DYM: variants seen among roughly 807,000 people sequenced by gnomAD.
The protein encoded by DYM is dymeclin.
In DYM, 78 loss-of-function variants were observed where a neutral mutation model predicts 93.1. That is an observed-to-expected ratio of 0.84 (90% confidence interval 0.70 to 1.01). The LOEUF is 1.01. DYM is among the 50% of genes least tolerant of loss of function. The pLI, the probability that DYM is intolerant of heterozygous loss-of-function variation, is 0.00. For missense variants in DYM, 789 were observed against 845.0 expected, an observed-to-expected ratio of 0.93 and a Z score of 0.82; for synonymous variants, 321 against 319.7, an observed-to-expected ratio of 1.00 and a Z score of -0.04.
At chr18:49,172,657 C>T (rs1403360645) in intron 14 of DYM, among the ~76,000 whole-genome samples, 1 of 152,018 alleles carries the variant, frequency 6.6e-6, no homozygotes, top group Non-Finnish European at 1.5e-5. Flanking sequence ...AGTTCTTTAT[C>T]AGGTATAAGT....
At chr18:49,088,296 G>T (rs972254596) in intron 17 of DYM, among the ~76,000 whole-genome samples, 4 of 152,062 alleles carry the variant, frequency 2.6e-5, no homozygotes, top group African/African-American at 9.7e-5. Flanking sequence ...TTTGTATAAG[G>T]TGTAAGGAAG....
chr18:49,263,182 G>T (rs1161841118), intron 11 of DYM, among the ~76,000 whole-genome samples: 1 of 151,476 alleles, frequency 6.6e-6, no homozygotes, highest in Non-Finnish European at 1.5e-5. Context: ...GCAATGGCAC[G>T]ATCTCGGCTC....
At chr18:49,265,236 C>T (rs891886780) in intron 11 of DYM, among the ~76,000 whole-genome samples, 17 of 152,136 alleles carry the variant, frequency 1.1e-4, no homozygotes, top group Admixed American at 1.1e-3. Context: ...GGAGAAAACC[C>T]GAGAGCAGGC....
intron 15 of DYM, among the ~76,000 whole-genome samples, chr18:49,155,350 T>C (rs1001294998): frequency 3.3e-5 from 5 of 152,202 alleles, no homozygotes; most frequent in African/African-American, 9.6e-5. Context: ...TTTCCCCCCG[T>C]GCTCAAAGCA....
At chr18:49,090,020 C>T (rs1462798190) in intron 17 of DYM, among the ~76,000 whole-genome samples, 1 of 152,032 alleles carries the variant, frequency 6.6e-6, no homozygotes, top group African/African-American at 2.4e-5. Flanking sequence ...TGTGTGTGCA[C>T]GTGTGCATGT....
intron 8 of DYM, among the ~76,000 whole-genome samples, chr18:49,297,612 T>C (rs1345800716): frequency 1.3e-5 from 2 of 152,222 alleles, no homozygotes; most frequent in African/African-American, 4.8e-5. Flanking sequence ...TTTTGTAAAA[T>C]GATTATGATA....
intron 16 of DYM, chr18:49,116,241 G>A (rs1184775770): frequency 1.3e-5 from 2 of 152,126 alleles, no homozygotes; most frequent in Non-Finnish European, 2.9e-5. Context: ...TTTTATCATA[G>A]CAGTGTTGCT....
At chr18:49,110,771 C>G (rs913661186) in intron 16 of DYM, among the ~76,000 whole-genome samples, 10 of 152,134 alleles carry the variant, frequency 6.6e-5, no homozygotes, top group African/African-American at 1.9e-4. Flanking sequence ...CAGCTATTAT[C>G]TCTTTAAATA....
intron 16 of DYM, among the ~76,000 whole-genome samples, chr18:49,105,634 T>C (rs901907850): frequency 1.3e-5 from 2 of 152,194 alleles, no homozygotes; most frequent in African/African-American, 4.8e-5. Flanking sequence ...TTTCAAAGAA[T>C]ATCTTTATTT....
chr18:49,317,822 T>C (rs1265476165), intron 8 of DYM, among the ~76,000 whole-genome samples: 1 of 151,816 alleles, frequency 6.6e-6, no homozygotes, highest in Admixed American at 6.6e-5. Flanking sequence ...AAAGGCTTGA[T>C]GGCATTCATC....
chr18:49,222,431 T>C (rs568530754), intron 13 of DYM, among the ~76,000 whole-genome samples: 41 of 152,188 alleles, frequency 2.7e-4, no homozygotes, highest in African/African-American at 9.6e-4. Context: ...TTAATACAAA[T>C]GAGTTTGAGA....
At chr18:49,196,085 C>T (rs2091425338) in intron 14 of DYM, among the ~76,000 whole-genome samples, 1 of 151,902 alleles carries the variant, frequency 6.6e-6, no homozygotes, top group African/African-American at 2.4e-5. Context: ...CCACCACACC[C>T]GGCTAATGTT....
At chr18:49,187,209 C>T (rs1000214969) in intron 14 of DYM, among the ~76,000 whole-genome samples, 2 of 152,104 alleles carry the variant, frequency 1.3e-5, no homozygotes, top group African/African-American at 4.8e-5. Flanking sequence ...TGAGCCACTG[C>T]GCCCGGCCGC....
rs1303102629 is a variant in DYM, at chr18:49,079,805, T to C, written c.2025+17597A>G. 3.9e-5 allele frequency among the ~76,000 whole-genome samples: 6 copies of C among 152,142 alleles called. No homozygotes were observed. The East Asian group carries it at 1.2e-3, about 29-fold the overall frequency. On this transcript the variant is annotated intron_variant, in intron 17 of 17. Coordinates refer to ENST00000675505, the MANE Select transcript of DYM (RefSeq NM_001353214.3). Reference sequence around the variant, plus strand: ...ATGAAAAGTCTCCCATGTCTACTTCTTTCTACACAAACACGGCAACCATCC... The same window carrying C: ...ATGAAAAGTCTCCCATGTCTACTTCCTTCTACACAAACACGGCAACCATCC...
intron 14 of DYM, among the ~76,000 whole-genome samples, chr18:49,184,396 GA>G (rs1397340595): frequency 6.6e-6 from 1 of 152,074 alleles, no homozygotes; most frequent in East Asian, 1.9e-4. Context: ...AATTATAAAA[GA>G]AAGCTCAATT....
At chr18:49,076,987 C>A (rs966295050) in intron 17 of DYM, among the ~76,000 whole-genome samples, 2 of 152,180 alleles carry the variant, frequency 1.3e-5, no homozygotes, top group Non-Finnish European at 2.9e-5. Context: ...TGGTGCCCTG[C>A]ACAACACGGG....
chr18:49,237,060 T>G (rs1008791648), intron 13 of DYM, among the ~76,000 whole-genome samples: 10 of 152,118 alleles, frequency 6.6e-5, no homozygotes, highest in Non-Finnish European at 1.0e-4. Context: ...ATTAAGCAAA[T>G]TATCCATAAG....
intron 16 of DYM, among the ~76,000 whole-genome samples, chr18:49,107,537 T>C (rs978565310): frequency 2.0e-5 from 3 of 152,216 alleles, no homozygotes; most frequent in Admixed American, 6.5e-5. Flanking sequence ...CTTTGTGATT[T>C]TATCTACCTT....
At chr18:49,213,239 A>AT (rs1462669293) in intron 13 of DYM, among the ~76,000 whole-genome samples, 1 of 151,256 alleles carries the variant, frequency 6.6e-6, no homozygotes, top group Admixed American at 6.6e-5. Flanking sequence ...CTAATAATGT[A>AT]TTTTTCAGTA....
Sources: allele counts gnomAD v4.1 joint callset (sites outside exome capture counted in the v4.1 genomes callset), GRCh38; gene constraint gnomAD v4.1.1; transcripts MANE v1.5; gene names NCBI Gene and HGNC (gene_info 2026-07-23, HGNC 2026-07-21).